Variants in DEF6 observed in about 807,000 individuals in gnomAD.
DEF6 encodes the protein differentially expressed in FDCP 6 homolog.
Under a neutral mutation model 80.5 loss-of-function variants are expected in DEF6, and 32 were observed. The ratio of observed to expected loss-of-function variants is 0.40; its 90% CI spans 0.30 to 0.53. The LOEUF (loss-of-function observed/expected upper bound fraction) is 0.53, where lower values mean the gene tolerates loss of function less well. DEF6 is among the 20% of genes least tolerant of loss of function. The probability of loss-of-function intolerance (pLI) is 0.57; values close to 1 mark genes in which losing one functional copy is unlikely to be tolerated. For synonymous variants in DEF6, 300 were observed against 337.9 expected (o/e 0.89, Z 1.23); for missense variants, 575 against 818.7 (o/e 0.70, Z 3.63).
chr6:35,317,923 G>C lies in DEF6; in HGVS notation c.840G>C (p.Met280Ile). 1 of 1,613,996 alleles carries C rather than the reference G, an allele frequency of 6.2e-7. No individual in the cohort carries two copies. The highest frequency in any genetic ancestry group is 8.5e-7 in the Non-Finnish European group (1 of 1,180,002). Reference protein sequence around the residue: ...VLPDRDGKRCMFCVKTANRTY... With the variant: ...VLPDRDGKRCIFCVKTANRTY... ...CAGACCGCGACGGAAAGCGCTGCATGTTCTGTGTGAAGACAGCCAACCGCA... is the reference window on the plus strand; with the variant it reads ...CAGACCGCGACGGAAAGCGCTGCATCTTCTGTGTGAAGACAGCCAACCGCA... Residue 280 changes from methionine (M) to isoleucine (I), a missense_variant, in exon 6 of 11, where the codon ATG (methionine) becomes ATC (isoleucine). Met to Ile is a conservative substitution (Grantham distance 10, BLOSUM62 1). Transcript: ENST00000316637.
intron 5 of DEF6, among the ~76,000 whole-genome samples, chr6:35,314,796 G>A (rs1303089810): frequency 1.4e-5 from 2 of 147,770 alleles, no homozygotes; most frequent in African/African-American, 4.9e-5. Context: ...TCTATTTTTG[G>A]TTTGGTTGCC....
At position 35,319,505 on chromosome 6, in the gene DEF6, C is replaced by T; in HGVS notation, c.1216-19C>T. On this transcript the variant is annotated intron_variant, in intron 7 of 10. Coordinates refer to ENST00000316637, the MANE Select transcript of DEF6 (RefSeq NM_022047.4). The surrounding 1 kb of genome is among the most constrained non-coding windows in gnomAD (Gnocchi z 4.5). ...CCCTTTTGACCTGGCTCTTGGTCCA[C>T]CACCTCCCCCCTCCACAGGCCCGGG... 6.3e-7 allele frequency: 1 copy of T among 1,597,674 alleles called. No homozygotes were observed. The highest frequency in any genetic ancestry group is 1.1e-5 in the South Asian group (1 of 90,080).
At chr6:35,309,913 A>C in intron 2 of DEF6, 103 bp downstream of exon 2, 2 of 1,377,602 alleles carry the variant, frequency 1.5e-6, no homozygotes, top group East Asian at 2.4e-5. Context: ...CCTGCCATAA[A>C]CTCCTACTTC....
chr6:35,311,347 A>G (rs1450959635), intron 3 of DEF6, among the ~76,000 whole-genome samples: 2 of 151,920 alleles, frequency 1.3e-5, no homozygotes, highest in African/African-American at 4.8e-5. Flanking sequence ...GGTTTACAGG[A>G]GAGGGGGCTT....
At chr6:35,301,419 A>G (rs1380886157) in intron 1 of DEF6, among the ~76,000 whole-genome samples, 1 of 152,192 alleles carries the variant, frequency 6.6e-6, no homozygotes, top group Non-Finnish European at 1.5e-5. Context: ...GTCACTGTCC[A>G]TCTTCAGTTT....
rs1462686998 is a variant in DEF6 at position 35,310,470 on chromosome 6, G to C, written c.249G>C (p.Gly83=). Residue 83 remains glycine (G), a synonymous_variant, in exon 3 of 11, where the codon GGG becomes GGC. Coordinates refer to ENST00000316637, the MANE Select transcript of DEF6 (RefSeq NM_022047.4). The stretch of plus-strand genomic sequence containing the variant: ...AGCCCTGGTGGCAGGTGGAGGAGGG[G>C]GCTTTTGTTAAAGAGCACTTTGATG... The part of the protein sequence containing the change: ...NKYILDKVEE[G]AFVKEHFDEL... 15 of 1,613,786 alleles carry C rather than the reference G, an allele frequency of 9.3e-6. No individual in the cohort carries two copies. The highest frequency in any genetic ancestry group is 1.3e-5 in the Non-Finnish European group (15 of 1,180,012).
At position 35,309,711 on chromosome 6, in the gene DEF6, T is replaced by C; in HGVS notation, c.138T>C (p.His46=). ...HNLYTVLHIP[H]DPVALEEHFR... ...TGTACACGGTCCTGCACATCCCCCA[T>C]GACCCCGTGGCCCTGGAGGAACACT... The change falls in exon 2 of 11, where the codon CAT becomes CAC. Residue 46 remains histidine (H), a synonymous_variant. Coordinates refer to ENST00000316637, the MANE Select transcript of DEF6 (RefSeq NM_022047.4). The C allele has an allele frequency of 6.2e-7, 1 of 1,614,000 alleles. No homozygotes were observed. The highest frequency in any genetic ancestry group is 1.1e-5 in the South Asian group (1 of 91,070).
chr6:35,302,246 C>G (rs1791324361), intron 1 of DEF6, among the ~76,000 whole-genome samples: 2 of 152,080 alleles, frequency 1.3e-5, no homozygotes, highest in African/African-American at 4.8e-5. Context: ...ATAGTTCCTG[C>G]TACTCTGGAG....
chr6:35,303,791 A>T (rs1791347819), intron 1 of DEF6, among the ~76,000 whole-genome samples: 1 of 151,496 alleles, frequency 6.6e-6, no homozygotes, highest in South Asian at 2.1e-4. Context: ...CAGCCCAGGA[A>T]TTCAAGACCA....
Position 35,318,292 on chromosome 6 carries a change from GAGCTGCTGCGGCTGCAGC to G in DEF6, c.1043_1060del (p.Leu348_Leu353del). ...GCGGCGCCGGGCGGCCAAGGAAGAG[GAGCTGCTGCGGCTGCAGC>G]AGCTGCAGGAGGAGAAGGAGCGGAA... On this transcript the variant is annotated inframe_deletion, in exon 7 of 11. Transcript: ENST00000316637. The surrounding 1 kb of genome is among the most constrained non-coding windows in gnomAD (Gnocchi z 5.1). 6.4e-7 allele frequency: 1 copy of G among 1,558,412 alleles called. No homozygotes were observed. The highest frequency in any genetic ancestry group is 1.7e-4 in the Middle Eastern group (1 of 5,724).
chr6:35,319,695 G>A lies in DEF6; in HGVS notation c.1382+5G>A. On this transcript the variant is annotated splice_donor_5th_base_variant and intron_variant, in intron 8 of 10. Coordinates refer to ENST00000316637, the MANE Select transcript of DEF6 (RefSeq NM_022047.4). The surrounding 1 kb of genome is among the most constrained non-coding windows in gnomAD (Gnocchi z 4.5). ...TGTGCGAATCGCTCAGACCAGGTAG[G>A]CCTGAGGAACCTCTTCTGGTTCTCT... The A allele has an allele frequency of 6.2e-7, 1 of 1,607,954 alleles. No homozygotes were observed. The highest frequency in any genetic ancestry group is 8.5e-7 in the Non-Finnish European group (1 of 1,175,548).
chr6:35,312,877 G>A lies in DEF6; in HGVS notation c.807+105G>A, dbSNP rs969816391. On this transcript the variant is annotated intron_variant, in intron 5 of 10. Coordinates refer to ENST00000316637, the MANE Select transcript of DEF6 (RefSeq NM_022047.4). This position sits in a 1 kb window ranked among gnomAD's most constrained non-coding sequence, Gnocchi z 6.6. Reference sequence around the variant, plus strand: ...GAGGGGCAAATGGAGAAAAGCCACAGTGACACAAATTCCTGCTTAGATTAG... The same window carrying A: ...GAGGGGCAAATGGAGAAAAGCCACAATGACACAAATTCCTGCTTAGATTAG... 4 of 1,345,654 alleles carry A rather than the reference G, an allele frequency of 3.0e-6. No individual in the cohort carries two copies. Among genetic ancestry groups the A allele is most frequent in the Non-Finnish European group, 4.1e-6 (4 of 983,694 alleles). 83.4% of individuals were successfully genotyped at this position (1,345,654 alleles called of 1,614,324 possible). A position where few individuals can be genotyped will look rare whatever the true frequency, so the allele number is the denominator to read the frequency against.
At chr6:35,315,655 C>A (rs912207669) in intron 5 of DEF6, among the ~76,000 whole-genome samples, 1 of 152,054 alleles carries the variant, frequency 6.6e-6, no homozygotes, top group Middle Eastern at 3.4e-3. Context: ...TTGTATAGAT[C>A]TTTCACTTTG....
chr6:35,300,944 T>C (rs538465673), intron 1 of DEF6, among the ~76,000 whole-genome samples: 13 of 151,650 alleles, frequency 8.6e-5, no homozygotes, highest in Non-Finnish European at 4.4e-5. Flanking sequence ...GGCAGTGGGG[T>C]GAAGGGGTAT....
chr6:35,303,205 G>A (rs1433878599), intron 1 of DEF6, among the ~76,000 whole-genome samples: 1 of 152,122 alleles, frequency 6.6e-6, no homozygotes, highest in Non-Finnish European at 1.5e-5. Context: ...TCTGCCCTGG[G>A]TTCTTCAGGA....
At chr6:35,308,723 AAAAT>A (rs959069211) in intron 1 of DEF6, among the ~76,000 whole-genome samples, 2 of 146,636 alleles carry the variant, frequency 1.4e-5, no homozygotes, top group East Asian at 2.0e-4. Context: ...AAAATAAAAT[AAAAT>A]AAATAAAATA....
chr6:35,318,233 A>G lies in DEF6; in HGVS notation c.977A>G (p.Lys326Arg). The G allele has an allele frequency of 6.3e-7, 1 of 1,598,658 alleles. No homozygotes were observed. The change falls in exon 7 of 11, where the codon AAG becomes AGG. Residue 326 changes from lysine to arginine, a missense_variant. Transcript: ENST00000316637. This position sits in a 1 kb window ranked among gnomAD's most constrained non-coding sequence, Gnocchi z 5.1. ...EGKTSLHKDL[K>R]QKRREQREQR... ...AAGACGTCCCTACACAAGGACCTGA[A>G]GCAGAAACGGCGCGAGCAGCGGGAG...
chr6:35,319,879 G>A lies in DEF6; in HGVS notation c.1443G>A (p.Glu481=). 1.9e-6 allele frequency: 3 copies of A among 1,583,088 alleles called. No homozygotes were observed. The highest frequency in any genetic ancestry group is 2.6e-6 in the Non-Finnish European group (3 of 1,164,668). The change falls in exon 9 of 11, where the codon GAG becomes GAA. Residue 481 remains glutamate (E), a synonymous_variant. Coordinates refer to ENST00000316637, the MANE Select transcript of DEF6 (RefSeq NM_022047.4). This position sits in a 1 kb window ranked among gnomAD's most constrained non-coding sequence, Gnocchi z 4.5. ...TGATGCAGCTGAAGGAGGAGCAGGA[G>A]CGCTACATCGAACGGGCGCAGCAGG... ...KQLMQLKEEQ[E]RYIERAQQEK... is the part of the protein sequence containing the mutation.
Position 35,312,417 on chromosome 6 carries a change from G to A in DEF6, c.539G>A (p.Ser180Asn). Residue 180 changes from serine (S) to asparagine (N), a missense_variant, in exon 4 of 11, where the codon AGC becomes AAC. Coordinates refer to ENST00000316637, the MANE Select transcript of DEF6 (RefSeq NM_022047.4). The surrounding 1 kb of genome is among the most constrained non-coding windows in gnomAD (Gnocchi z 6.6). ...AQVAQTTGGL[S>N]VWQFLELFNS... is the part of the protein sequence containing the mutation. ...GTGGCCCAGACCACCGGGGGGCTCAGCGTCTGGCAGTTCCTGGAGCTCTTC... is the reference window on the plus strand; with the variant it reads ...GTGGCCCAGACCACCGGGGGGCTCAACGTCTGGCAGTTCCTGGAGCTCTTC... 1 of 1,614,188 alleles carries A rather than the reference G, an allele frequency of 6.2e-7. No homozygotes were observed. The highest frequency in any genetic ancestry group is 8.5e-7 in the Non-Finnish European group (1 of 1,180,040).
Sources: allele counts gnomAD v4.1 joint callset (sites outside exome capture counted in the v4.1 genomes callset), GRCh38; gene constraint gnomAD v4.1.1; non-coding constraint Gnocchi (gnomAD v3.1); transcripts MANE v1.5; gene names NCBI Gene and HGNC (gene_info 2026-07-23, HGNC 2026-07-21).